The following NEB variants were observed in gnomAD, a reference collection of about 807,000 sequenced individuals.
The protein encoded by NEB is nebulin.
In NEB, 512 loss-of-function variants were observed where a neutral mutation model predicts 952.2. The observed-to-expected ratio is 0.54, with a 90% CI of 0.50 to 0.58. The LOEUF (loss-of-function observed/expected upper bound fraction) is 0.58. Among genes scored for constraint, NEB ranks in the 20% least tolerant of loss-of-function variants. The pLI, the probability that NEB is intolerant of heterozygous loss-of-function variation, is 0.00. For missense variants in NEB, 8,428 were observed against 9,231.1 expected (o/e 0.91, Z 3.56); for synonymous variants, 2,900 against 3,149.8 (o/e 0.92, Z 2.66).
At position 151,617,485 on chromosome 2, in the gene NEB, A is replaced by AGAGAG. The variant is rs1553905489; in HGVS notation, c.11077-18_11077-17insCTCTC. The AGAGAG allele has an allele frequency of 6.8e-5, 94 of 1,388,988 alleles. No individual in the cohort carries two copies. Among genetic ancestry groups the AGAGAG allele is most frequent in the Non-Finnish European group, 7.9e-5 (81 of 1,029,538 alleles). The allele number at this position is 1,388,988 out of a possible 1,614,324, so 86.0% of individuals were successfully genotyped here. On this transcript the variant is annotated splice_polypyrimidine_tract_variant and intron_variant, in intron 74 of 181. Coordinates refer to ENST00000397345, the MANE Select transcript of NEB (RefSeq NM_001164508.2). Reference sequence around the variant, plus strand: ...ATATAAGCGCTACAAAAAAAAAAAAAAAAGAGAGAGAGAGAGAGAAAAATT... The same window carrying AGAGAG: ...ATATAAGCGCTACAAAAAAAAAAAAAGAGAGAAAGAGAGAGAGAGAGAGAAAAATT...
At chr2:151,579,168 T>A (rs1214411474) in intron 105 of NEB, among the ~76,000 whole-genome samples, 170 bp downstream of exon 105, 1 of 141,026 alleles carries the variant, frequency 7.1e-6, no homozygotes, top group Non-Finnish European at 1.6e-5. Flanking sequence ...GGTAGCACCT[T>A]TAACAATGAA....
Position 151,723,366 on chromosome 2 carries a change from C to G in NEB, c.717+16G>C. 1 of 1,588,430 alleles carries G rather than the reference C, an allele frequency of 6.3e-7. No individual in the cohort carries two copies. Among genetic ancestry groups the G allele is most frequent in the Non-Finnish European group, 8.6e-7 (1 of 1,163,746 alleles). On this transcript the variant is annotated intron_variant, in intron 9 of 181. Transcript: ENST00000397345. ...GACTCTGCACACCTAAGTGGTGCCA[C>G]TTGCATTTCACTTACATCACTGAGA...
intron 23 of NEB, among the ~76,000 whole-genome samples, chr2:151,691,408 T>C (rs1024662241): frequency 3.3e-5 from 5 of 152,182 alleles, no homozygotes; most frequent in Admixed American, 1.3e-4. Context: ...CATCCTGTAT[T>C]AGTTTCCTTA....
intron 122 of NEB, 50 bp from the exon 123 acceptor site, chr2:151,561,158 T>A: frequency 3.2e-6 from 5 of 1,572,124 alleles, no homozygotes; most frequent in Non-Finnish European, 4.4e-6. Context: ...AGAAAATACA[T>A]AAAGACAAGA....
intron 135 of NEB, among the ~76,000 whole-genome samples, chr2:151,545,406 T>C (rs1047504104): frequency 4.6e-5 from 7 of 151,402 alleles, no homozygotes; most frequent in African/African-American, 1.7e-4. Context: ...AGAAACCCCA[T>C]CACTACTAAA....
At chr2:151,497,855 A>AG in intron 170 of NEB, 137 bp from the exon 171 acceptor site, 1 of 1,513,602 alleles carries the variant, frequency 6.6e-7, no homozygotes, top group Non-Finnish European at 8.8e-7. Context: ...CGACTACTTT[A>AG]GTGGAAGCTG....
rs780741468 is a variant in NEB, at chr2:151,519,725, G to T, written c.22523C>A (p.Pro7508Gln). The T allele has an allele frequency of 1.9e-6, 3 of 1,612,770 alleles. No homozygotes were observed. Among genetic ancestry groups the T allele is most frequent in the Non-Finnish European group, 2.5e-6 (3 of 1,179,302 alleles). ...CTGGCTGTCTTTTGGATTGTATTTT[G>T]GTGTCTTGCCCTTTTCTTTATCGAA... ...ENFDKEKGKT[P>Q]KYNPKDSQLY... is the part of the protein sequence containing the mutation. Residue 7508 changes from proline to glutamine, a missense_variant, in exon 154 of 182, where the codon CCA becomes CAA. Physicochemically the swap from Pro to Gln is moderately conservative, Grantham distance 76. Coordinates refer to ENST00000397345, the MANE Select transcript of NEB (RefSeq NM_001164508.2).
rs1461127903 is a variant in NEB, at chr2:151,554,929, A to T, written c.19428+2T>A. 1.3e-6 allele frequency: 2 copies of T among 1,598,148 alleles called. No individual in the cohort carries two copies. The highest frequency in any genetic ancestry group is 2.2e-5 in the South Asian group (2 of 90,770). On this transcript the variant is annotated splice_donor_variant, in intron 125 of 181. Coordinates refer to ENST00000397345, the MANE Select transcript of NEB (RefSeq NM_001164508.2). LOFTEE classifies it high-confidence loss of function. ...CATTAAGGGGCGCATGACCGTACTT[A>T]CATCGATGTTAAGCTTGCCAACTCG...
At chr2:151,618,869 CT>C (rs2098297708) in intron 73 of NEB, among the ~76,000 whole-genome samples, 2 of 152,112 alleles carry the variant, frequency 1.3e-5, no homozygotes, top group African/African-American at 2.4e-5. Flanking sequence ...TTATTTCCAT[CT>C]TCAAAAATCA....
intron 81 of NEB, among the ~76,000 whole-genome samples, chr2:151,609,313 C>T (rs111438984): frequency 0.25 from 38,008 of 151,918 alleles, 5,688 homozygotes; most frequent in Admixed American, 0.39. Flanking sequence ...TCCAAAAAAG[C>T]AAGACCTGAG....
chr2:151,733,899 G>T (rs947614209), intron 1 of NEB, 104 bp from the exon 2 acceptor site: 1 of 152,130 alleles, frequency 6.6e-6, no homozygotes, highest in African/African-American at 2.4e-5. Context: ...ATCTCTCAAG[G>T]CCTCTACAGT....
intron 73 of NEB, among the ~76,000 whole-genome samples, chr2:151,618,997 C>T (rs568889862): frequency 7.2e-5 from 11 of 152,200 alleles, no homozygotes; most frequent in East Asian, 3.9e-4. Context: ...AAGTATTAGA[C>T]GACTGGTTTC....
chr2:151,618,180 G>T, intron 74 of NEB, 95 bp downstream of exon 74: 1 of 1,116,932 alleles, frequency 9.0e-7, no homozygotes, highest in Non-Finnish European at 1.3e-6. Context: ...GTATCATAAT[G>T]CTTATTATTA....
chr2:151,651,001 C>A (rs1450437701), intron 52 of NEB, 116 bp from the exon 53 acceptor site: 2 of 1,080,152 alleles, frequency 1.9e-6, no homozygotes, highest in Non-Finnish European at 2.6e-6. Context: ...GTTTCCCAGG[C>A]TGGTCTTGAA....
intron 117 of NEB, 119 bp from the exon 118 acceptor site, chr2:151,564,049 T>A (rs1327824869): frequency 8.4e-6 from 6 of 714,526 alleles, no homozygotes. Context: ...GAAATCTTTA[T>A]CTATAGCCAT....
chr2:151,538,644 G>GA (rs201177994), intron 138 of NEB, among the ~76,000 whole-genome samples: 53 of 146,436 alleles, frequency 3.6e-4, no homozygotes, highest in Middle Eastern at 3.6e-3. Context: ...TCATTTGAGA[G>GA]AAAAAAAAAA....
At chr2:151,636,593 A>G (rs1391591224) in intron 63 of NEB, among the ~76,000 whole-genome samples, 1 of 152,146 alleles carries the variant, frequency 6.6e-6, no homozygotes, top group Non-Finnish European at 1.5e-5. Context: ...CAGCATGGCC[A>G]ACATGGTGAA....
chr2:151,693,576 T>A (rs1296878355), intron 20 of NEB, among the ~76,000 whole-genome samples: 2 of 152,216 alleles, frequency 1.3e-5, no homozygotes, highest in Non-Finnish European at 2.9e-5. Flanking sequence ...TCCATCCATG[T>A]CCCTGCAAAG....
At chr2:151,513,543 C>A (rs1448507030) in intron 160 of NEB, 37 bp downstream of exon 160, 4 of 1,472,918 alleles carry the variant, frequency 2.7e-6, no homozygotes, top group Non-Finnish European at 3.7e-6. Flanking sequence ...GTTACAACTA[C>A]TTTCCTGAAA....
Sources: allele counts gnomAD v4.1 joint callset (sites outside exome capture counted in the v4.1 genomes callset), GRCh38; gene constraint gnomAD v4.1.1; transcripts MANE v1.5; gene names NCBI Gene and HGNC (gene_info 2026-07-23, HGNC 2026-07-21).